RORA: variants seen among roughly 807,000 people sequenced by gnomAD.
RORA encodes nuclear receptor ROR-alpha.
A neutral mutation model predicts 69.5 loss-of-function variants in RORA; 7 were observed. The observed-to-expected ratio is 0.10, with a 90% CI of 0.06 to 0.19. The LOEUF (loss-of-function observed/expected upper bound fraction) is 0.19. RORA is among the 10% of genes least tolerant of loss of function. The pLI is 1.00. For missense variants in RORA, 457 were observed against 663.0 expected (o/e 0.69, Z 3.41); for synonymous variants, 261 against 240.8 (o/e 1.08, Z -0.78).
chr15:60,662,555 A>T (rs1437443492), intron 2 of RORA, among the ~76,000 whole-genome samples: 1 of 152,222 alleles, frequency 6.6e-6, no homozygotes, highest in Non-Finnish European at 1.5e-5. Context: ...GTGGAAAAAT[A>T]AAACGTTATA....
chr15:60,712,088 G>T (rs1438656460), intron 1 of RORA, among the ~76,000 whole-genome samples: 1 of 152,060 alleles, frequency 6.6e-6, no homozygotes, highest in Admixed American at 6.5e-5. Flanking sequence ...AGAAATCTTA[G>T]CAAGTGTGGC....
chr15:60,851,447 C>T (rs964931065), intron 1 of RORA, among the ~76,000 whole-genome samples: 1 of 152,066 alleles, frequency 6.6e-6, no homozygotes, highest in African/African-American at 2.4e-5. Flanking sequence ...CAGCCAGGTG[C>T]CTGGAGAGTG....
At chr15:61,137,439 G>A (rs928463911) in intron 1 of RORA, among the ~76,000 whole-genome samples, 9 of 152,182 alleles carry the variant, frequency 5.9e-5, no homozygotes, top group Admixed American at 3.3e-4. Flanking sequence ...CAGACCTTAA[G>A]TTCTTCCTAC....
intron 2 of RORA, among the ~76,000 whole-genome samples, chr15:60,636,165 A>G (rs1337480684): frequency 6.6e-6 from 1 of 152,206 alleles, no homozygotes; most frequent in Non-Finnish European, 1.5e-5. Flanking sequence ...CCCATGTCCC[A>G]CAGAAACCAC....
intron 1 of RORA, among the ~76,000 whole-genome samples, chr15:60,851,039 G>T (rs1439272016): frequency 6.6e-6 from 1 of 152,136 alleles, no homozygotes; most frequent in East Asian, 1.9e-4. Context: ...TGAAGATGCA[G>T]TACAAACAAA....
intron 1 of RORA, among the ~76,000 whole-genome samples, chr15:60,751,287 G>A (rs1312534900): frequency 6.6e-6 from 1 of 152,196 alleles, no homozygotes; most frequent in Non-Finnish European, 1.5e-5. Context: ...ATAACATCAG[G>A]AGGAATTGGC....
At chr15:60,837,853 G>A (rs940352683) in intron 1 of RORA, among the ~76,000 whole-genome samples, 1 of 152,158 alleles carries the variant, frequency 6.6e-6, no homozygotes, top group South Asian at 2.1e-4. Context: ...CAATTGAGTT[G>A]TCCGCTTTGC....
chr15:60,704,810 A>G (rs1046138583), intron 1 of RORA, among the ~76,000 whole-genome samples: 2 of 152,146 alleles, frequency 1.3e-5, no homozygotes, highest in African/African-American at 4.8e-5. Context: ...TCGGTATTGT[A>G]CAATATTGGC....
intron 1 of RORA, among the ~76,000 whole-genome samples, chr15:60,714,072 G>A (rs1000069558): frequency 1.2e-4 from 17 of 142,456 alleles, no homozygotes; most frequent in African/African-American, 4.2e-4. Context: ...TTTTTTTTTC[G>A]AGACAGAGTC....
At chr15:61,111,022 G>A (rs1292411684) in intron 1 of RORA, among the ~76,000 whole-genome samples, 2 of 152,172 alleles carry the variant, frequency 1.3e-5, no homozygotes. Flanking sequence ...TGGCCTGAAT[G>A]ACTGTGCAGT....
At chr15:61,012,995 TC>T in intron 1 of RORA, among the ~76,000 whole-genome samples, 1 of 152,198 alleles carries the variant, frequency 6.6e-6, no homozygotes, top group Non-Finnish European at 1.5e-5. Context: ...TTAATTACAA[TC>T]ACAGGCAAAT....
chr15:61,097,571 C>T (rs1014191191), intron 1 of RORA, among the ~76,000 whole-genome samples: 2 of 152,014 alleles, frequency 1.3e-5, no homozygotes, highest in Non-Finnish European at 2.9e-5. Context: ...ATCCTCAGTA[C>T]CTGGCACAGA....
intron 1 of RORA, among the ~76,000 whole-genome samples, chr15:60,839,783 A>G (rs2073172049): frequency 6.6e-6 from 1 of 152,204 alleles, no homozygotes; most frequent in South Asian, 2.1e-4. Context: ...ACTTACAGGC[A>G]CCAGAAGCAT....
At position 60,612,742 on chromosome 15, in the gene RORA, T is replaced by G. The variant is rs534515592; in HGVS notation, c.196+65915A>C. ...TAAAGTATTTTCTGCAAACATGAAATTAGTTTATATTTTAAGGGCTTTGGA... is the reference window on the plus strand; with the variant it reads ...TAAAGTATTTTCTGCAAACATGAAAGTAGTTTATATTTTAAGGGCTTTGGA... On this transcript the variant is annotated intron_variant, in intron 2 of 10. Transcript: ENST00000335670. Among the ~76,000 whole-genome samples the G allele has an allele frequency of 8.0e-5, 12 of 150,278 alleles. No homozygotes were observed. The East Asian group carries it at 2.2e-3, about 28-fold the overall frequency.
intron 2 of RORA, among the ~76,000 whole-genome samples, chr15:60,640,875 A>G (rs2069932095): frequency 6.6e-6 from 1 of 152,180 alleles, no homozygotes. Context: ...AAGTATCTTA[A>G]ATACTGTTTA....
intron 1 of RORA, among the ~76,000 whole-genome samples, chr15:60,813,173 A>G (rs754785944): frequency 1.4e-4 from 21 of 152,122 alleles, no homozygotes; most frequent in Non-Finnish European, 2.2e-4. Flanking sequence ...TTTACATCCC[A>G]TTTGCCAGGA....
chr15:60,720,225 T>C (rs993493991), intron 1 of RORA, among the ~76,000 whole-genome samples: 1 of 152,120 alleles, frequency 6.6e-6, no homozygotes, highest in African/African-American at 2.4e-5. Context: ...CTTGAGTCCC[T>C]TAAGGCCTAA....
chr15:60,610,812 C>T (rs1298857919), intron 2 of RORA, among the ~76,000 whole-genome samples: 1 of 152,112 alleles, frequency 6.6e-6, no homozygotes, highest in Non-Finnish European at 1.5e-5. Context: ...GGGCGACCAT[C>T]CAAATACAAA....
intron 2 of RORA, among the ~76,000 whole-genome samples, chr15:60,647,534 G>A (rs1356522679): frequency 6.6e-6 from 1 of 152,230 alleles, no homozygotes; most frequent in African/African-American, 2.4e-5. Flanking sequence ...TGGTCCCAAG[G>A]CAGGAGTGAG....
Sources: gnomAD v4.1 joint callset for allele counts (sites outside exome capture counted in the v4.1 genomes callset) on GRCh38, gnomAD v4.1.1 for gene constraint, MANE v1.5 for transcripts, NCBI Gene and HGNC (gene_info 2026-07-23, HGNC 2026-07-21) for gene names.